Variants in DPYSL5 observed in about 807,000 individuals in gnomAD.
DPYSL5 encodes the protein dihydropyrimidinase like 5.
A neutral mutation model predicts 58.4 loss-of-function variants in DPYSL5; 9 were observed. That is an observed-to-expected ratio of 0.15 (90% CI 0.09 to 0.27). The LOEUF is 0.27. Ranked by LOEUF, DPYSL5 falls within the 10% of genes least tolerant of loss-of-function variation. The probability of loss-of-function intolerance (pLI) is 1.00; values close to 1 mark genes in which losing one functional copy is unlikely to be tolerated. For missense variants in DPYSL5, 499 were observed against 770.6 expected, an observed-to-expected ratio of 0.65 and a Z score of 4.17; for synonymous variants, 293 against 301.9, an observed-to-expected ratio of 0.97 and a Z score of 0.31.
intron 2 of DPYSL5, among the ~76,000 whole-genome samples, chr2:26,906,206 AC>A (rs1436135797): frequency 2.1e-5 from 3 of 142,406 alleles, no homozygotes; most frequent in African/African-American, 7.9e-5. Flanking sequence ...TTTTTTTGAG[AC>A]AGAGTCTTGC....
chr2:26,935,119 G>A (rs149778273), intron 8 of DPYSL5, among the ~76,000 whole-genome samples: 363 of 152,152 alleles, frequency 2.4e-3, no homozygotes, highest in African/African-American at 7.8e-3. Context: ...GTTGGCTCCC[G>A]TGTGCCCCTT....
rs140400233 is a variant in DPYSL5 at position 26,855,733 on chromosome 2, A to G, written c.-5+7479A>G. ...CAAATCCGCCATGGGCTGACTCGAA[A>G]TTCTCACGCCTTGGGTCTTTATTCT... On this transcript the variant is annotated intron_variant, in intron 1 of 12. Transcript: ENST00000288699. Among the ~76,000 whole-genome samples, 5 of 152,198 alleles carry G rather than the reference A, an allele frequency of 3.3e-5. No individual in the cohort carries two copies. In the East Asian group the frequency reaches 9.7e-4, roughly 29 times the overall value.
rs888210012 is a variant in DPYSL5, at chr2:26,944,402, GCA to G, written c.1441-245_1441-244del. 2.6e-5 allele frequency among the ~76,000 whole-genome samples: 4 copies of G among 152,154 alleles called. No homozygotes were observed. The highest frequency in any genetic ancestry group is 4.1e-4 in the South Asian group (2 of 4,830). On this transcript the variant is annotated intron_variant, in intron 11 of 12. Transcript: ENST00000288699. The surrounding 1 kb of genome is among the most constrained non-coding windows in gnomAD (Gnocchi z 4.4). Reference sequence around the variant, plus strand: ...CAGTATCTCTCCCATACACATGCATGCACACACACATGTGCACTCACATACAT... The same window carrying G: ...CAGTATCTCTCCCATACACATGCATGCACACACATGTGCACTCACATACAT...
chr2:26,856,192 G>A (rs1211221688), intron 1 of DPYSL5, among the ~76,000 whole-genome samples: 1 of 152,002 alleles, frequency 6.6e-6, no homozygotes, highest in Non-Finnish European at 1.5e-5. Context: ...ACAGAAAATT[G>A]GAGTCTCTGA....
At position 26,849,496 on chromosome 2, in the gene DPYSL5, G is replaced by A. The variant is rs1665692569; in HGVS notation, c.-5+1242G>A. 6.6e-6 allele frequency among the ~76,000 whole-genome samples: 1 copy of A among 152,180 alleles called. No individual in the cohort carries two copies. Among genetic ancestry groups the A allele is most frequent in the Admixed American group, 6.5e-5 (1 of 15,292 alleles). On this transcript the variant is annotated intron_variant, in intron 1 of 12. Coordinates refer to ENST00000288699, the MANE Select transcript of DPYSL5 (RefSeq NM_020134.4). This position sits in a 1 kb window ranked among gnomAD's most constrained non-coding sequence, Gnocchi z 6.2. The stretch of plus-strand genomic sequence containing the variant: ...GCAGATCCGGGACCGGGCTGGGCTG[G>A]CTTGGTGAGGAGCTTTGTCTCCAGG...
At position 26,947,908 on chromosome 2, in the gene DPYSL5, CTT is replaced by C. The variant is rs1665531011; in HGVS notation, c.*915_*916del. 6.5e-6 allele frequency: 1 copy of C among 152,726 alleles called. No individual in the cohort carries two copies. Among genetic ancestry groups the C allele is most frequent in the Non-Finnish European group, 1.5e-5 (1 of 68,212 alleles). The allele number at this position is 152,726 out of a possible 1,614,324, so 9.5% of individuals were successfully genotyped here. A position where few individuals can be genotyped will look rare whatever the true frequency, so the allele number is the denominator to read the frequency against. ...TTCTGGGCTGCGGGAGGCCCTGGCC[CTT>C]TCCCCTTCCCCTCCCCTCCTTGTCT... On this transcript the variant is annotated 3_prime_UTR_variant, in exon 13 of 13. Transcript: ENST00000288699. This position sits in a 1 kb window ranked among gnomAD's most constrained non-coding sequence, Gnocchi z 4.2.
At chr2:26,910,392 CTT>C (rs1664403193) in intron 2 of DPYSL5, among the ~76,000 whole-genome samples, 2 of 152,032 alleles carry the variant, frequency 1.3e-5, no homozygotes, top group African/African-American at 4.8e-5. Flanking sequence ...TGTGGTCAGT[CTT>C]TTTAATTTTA....
intron 2 of DPYSL5, among the ~76,000 whole-genome samples, chr2:26,920,959 A>G (rs1664687816): frequency 6.6e-6 from 1 of 152,142 alleles, no homozygotes; most frequent in African/African-American, 2.4e-5. Flanking sequence ...TTCACATTTA[A>G]TTTGGTCATG....
chr2:26,894,255 T>C (rs1167737676), intron 1 of DPYSL5, among the ~76,000 whole-genome samples: 1 of 152,052 alleles, frequency 6.6e-6, no homozygotes, highest in African/African-American at 2.4e-5. Flanking sequence ...ATTTCACTTC[T>C]CAGGTCCCTG....
rs1158285041 is a variant in DPYSL5 at position 26,898,499 on chromosome 2, C to G, written c.-1C>G. On this transcript the variant is annotated 5_prime_UTR_variant, in exon 2 of 13. Transcript: ENST00000288699. This position sits in a 1 kb window ranked among gnomAD's most constrained non-coding sequence, Gnocchi z 6.1. ...GACCATGCTCACCTTCTTGTAGGAA[C>G]ATGCTTGCCAACTCAGCCAGCGTGA... 1 of 1,613,454 alleles carries G rather than the reference C, an allele frequency of 6.2e-7. No individual in the cohort carries two copies. The highest frequency in any genetic ancestry group is 1.7e-5 in the Admixed American group (1 of 60,004).
intron 2 of DPYSL5, among the ~76,000 whole-genome samples, chr2:26,918,227 C>G (rs1485408575): frequency 6.7e-6 from 1 of 148,654 alleles, no homozygotes. Context: ...GCCCATGGAG[C>G]TGGGTGGGCC....
chr2:26,916,776 C>A lies in DPYSL5; in HGVS notation c.262-8111C>A, dbSNP rs568658485. On this transcript the variant is annotated intron_variant, in intron 2 of 12. Coordinates refer to ENST00000288699, the MANE Select transcript of DPYSL5 (RefSeq NM_020134.4). The stretch of plus-strand genomic sequence containing the variant: ...CTCCATCCGCATCGAGGAATACTAT[C>A]TCTTGCTGCCTTGTAGTCTCATAGT... Among the ~76,000 whole-genome samples the A allele has an allele frequency of 3.9e-5, 6 of 152,356 alleles. No individual in the cohort carries two copies. In the South Asian group the frequency reaches 1.2e-3, roughly 32 times the overall value.
At chr2:26,871,761 T>C (rs1471243830) in intron 1 of DPYSL5, among the ~76,000 whole-genome samples, 1 of 152,168 alleles carries the variant, frequency 6.6e-6, no homozygotes, top group Non-Finnish European at 1.5e-5. Flanking sequence ...CTTAATTTTT[T>C]GAAAGAAACA....
Position 26,898,382 on chromosome 2 carries a change from T to G in DPYSL5, c.-4-114T>G. Reference sequence around the variant, plus strand: ...CCCGCTGGCTGTAGGGGAAAGTTCCTCCTCTTCTCTGCTCACTTACCCTGA... The same window carrying G: ...CCCGCTGGCTGTAGGGGAAAGTTCCGCCTCTTCTCTGCTCACTTACCCTGA... On this transcript the variant is annotated intron_variant, in intron 1 of 12. Transcript: ENST00000288699. This position sits in a 1 kb window ranked among gnomAD's most constrained non-coding sequence, Gnocchi z 6.1. The G allele has an allele frequency of 6.9e-7, 1 of 1,445,372 alleles. No individual in the cohort carries two copies. Among genetic ancestry groups the G allele is most frequent in the Non-Finnish European group, 9.4e-7 (1 of 1,065,052 alleles). 89.5% of individuals were successfully genotyped at this position (1,445,372 alleles called of 1,614,324 possible).
Position 26,947,029 on chromosome 2 carries a change from C to T in DPYSL5, c.*34C>T, listed in dbSNP as rs768319132. On this transcript the variant is annotated 3_prime_UTR_variant, in exon 13 of 13. Coordinates refer to ENST00000288699, the MANE Select transcript of DPYSL5 (RefSeq NM_020134.4). The surrounding 1 kb of genome is among the most constrained non-coding windows in gnomAD (Gnocchi z 4.2). ...CCAAGCCCCCCGAGTGAGGACGCAC[C>T]GCCGCCACCAGCCCGCAACTCTCCA... The T allele has an allele frequency of 1.9e-5, 29 of 1,527,800 alleles. No homozygotes were observed. Among genetic ancestry groups the T allele is most frequent in the Middle Eastern group, 1.7e-4 (1 of 5,832 alleles). The allele number at this position is 1,527,800 out of a possible 1,614,324, so 94.6% of individuals were successfully genotyped here. A position where few individuals can be genotyped will look rare whatever the true frequency, so the allele number is the denominator to read the frequency against.
intron 1 of DPYSL5, among the ~76,000 whole-genome samples, chr2:26,894,878 C>T (rs971182858): frequency 9.2e-5 from 14 of 152,212 alleles, no homozygotes; most frequent in African/African-American, 2.4e-4. Context: ...CACTGCATGG[C>T]TCCATTTAAT....
chr2:26,888,215 TTCTTTCTTTCTTTC>T (rs1241165394), intron 1 of DPYSL5, among the ~76,000 whole-genome samples: 1 of 87,240 alleles, frequency 1.1e-5, no homozygotes, highest in East Asian at 3.4e-4. Context: ...TTTCTTTTCT[TTCTTTCTTTCTTTC>T]TTTCTTTCTT....
At chr2:26,872,670 A>G (rs1663295335) in intron 1 of DPYSL5, among the ~76,000 whole-genome samples, 1 of 150,674 alleles carries the variant, frequency 6.6e-6, no homozygotes, top group Non-Finnish European at 1.5e-5. Context: ...AGCCTGGCAG[A>G]GCGTGACTCT....
chr2:26,890,066 T>C (rs1046367657), intron 1 of DPYSL5, among the ~76,000 whole-genome samples: 1 of 152,144 alleles, frequency 6.6e-6, no homozygotes, highest in African/African-American at 2.4e-5. Context: ...ACTGGTGCAA[T>C]AGGCTTCCTA....
Sources: allele counts gnomAD v4.1 joint callset (sites outside exome capture counted in the v4.1 genomes callset), GRCh38; gene constraint gnomAD v4.1.1; non-coding constraint Gnocchi (gnomAD v3.1); transcripts MANE v1.5; gene names NCBI Gene and HGNC (gene_info 2026-07-23, HGNC 2026-07-21).